NCLN: variants seen among roughly 807,000 people sequenced by gnomAD.
NCLN encodes BOS complex subunit NCLN.
A neutral mutation model predicts 69.5 loss-of-function variants in NCLN; 34 were observed. The ratio of observed to expected loss-of-function variants is 0.49; its 90% CI spans 0.37 to 0.65. NCLN has a LOEUF of 0.65. NCLN is among the 30% of genes least tolerant of loss of function. The pLI, the probability that NCLN is intolerant of heterozygous loss-of-function variation, is 0.00. For missense variants in NCLN, 710 were observed against 804.8 expected (o/e 0.88, Z 1.42); for synonymous variants, 393 against 358.3 (o/e 1.10, Z -1.09).
In NCLN at chr19:3,204,036, C is replaced by T. The variant is rs754645063; in HGVS notation, c.921C>T (p.Phe307=). The T allele has an allele frequency of 2.0e-5, 31 of 1,574,164 alleles. No individual in the cohort carries two copies. The South Asian group carries it at 3.1e-4, about 16-fold the overall frequency. ...DSSLLQDNVA[F]VLCLDTVGRG... ...GCCTGCTTCAGGACAATGTGGCCTTCGTGCTGTGCCTGGACACCGTGGGCC... is the reference window on the plus strand; with the variant it reads ...GCCTGCTTCAGGACAATGTGGCCTTTGTGCTGTGCCTGGACACCGTGGGCC... The change falls in exon 8 of 15, where the codon TTC becomes TTT. Residue 307 remains phenylalanine (F), a synonymous_variant. Coordinates refer to ENST00000246117, the MANE Select transcript of NCLN (RefSeq NM_020170.4).
chr19:3,196,036 C>T, intron 3 of NCLN, 147 bp from the exon 4 acceptor site: 1 of 516,002 alleles, frequency 1.9e-6, no homozygotes, highest in South Asian at 2.8e-5. Flanking sequence ...CACGGGCATC[C>T]TGTGGTATCG....
chr19:3,209,020 C>T lies in NCLN; in HGVS notation c.*1332C>T, dbSNP rs985060702. ...TGGTGGGGAAGGGACTTGAGCTGGG[C>T]AAGTCCTGGCCTGGCACCCGCAGCC... On this transcript the variant is annotated 3_prime_UTR_variant, in exon 15 of 15. Coordinates refer to ENST00000246117, the MANE Select transcript of NCLN (RefSeq NM_020170.4). The T allele has an allele frequency of 6.6e-6, 1 of 152,280 alleles. No homozygotes were observed. Among genetic ancestry groups the T allele is most frequent in the Non-Finnish European group, 1.5e-5 (1 of 68,164 alleles). 9.4% of individuals were successfully genotyped at this position (152,280 alleles called of 1,614,324 possible).
At chr19:3,189,482 C>T (rs368742666) in intron 1 of NCLN, among the ~76,000 whole-genome samples, 14 of 152,370 alleles carry the variant, frequency 9.2e-5, no homozygotes, top group Admixed American at 4.6e-4. Context: ...AGTGATTGTG[C>T]CAGAGCCCTA....
chr19:3,200,888 T>G (rs1300871814), intron 5 of NCLN, among the ~76,000 whole-genome samples: 1 of 152,202 alleles, frequency 6.6e-6, no homozygotes, highest in Non-Finnish European at 1.5e-5. Context: ...TGGATCTGGC[T>G]TCTCTCACTG....
intron 8 of NCLN, 55 bp downstream of exon 8, chr19:3,204,199 G>A: frequency 6.8e-7 from 1 of 1,472,034 alleles, no homozygotes; most frequent in Non-Finnish European, 8.9e-7. Context: ...ACACATCGGG[G>A]CCGGGTTGGG....
In NCLN at chr19:3,204,152, C is replaced by T. The variant is rs181824945; in HGVS notation, c.1029+8C>T. ...CTGCGGGAGCTGGAGACGGTGGGTG[C>T]CCCTTTCATGGATGGGTCCGGAGCT... On this transcript the variant is annotated splice_region_variant and intron_variant, in intron 8 of 14. Coordinates refer to ENST00000246117, the MANE Select transcript of NCLN (RefSeq NM_020170.4). 5.3e-4 allele frequency: 792 copies of T among 1,506,536 alleles called. 13 individuals carry two copies. In the East Asian group the frequency reaches 0.017, roughly 33 times the overall value. 93.3% of individuals were successfully genotyped at this position (1,506,536 alleles called of 1,614,324 possible).
intron 5 of NCLN, 142 bp downstream of exon 5, chr19:3,199,039 C>A: frequency 3.8e-6 from 2 of 532,914 alleles, no homozygotes; most frequent in South Asian, 8.2e-5. Context: ...TCATCCTGGT[C>A]CCCGCGAGGG....
chr19:3,205,090 G>A lies in NCLN; in HGVS notation c.1208+339G>A, dbSNP rs191403559. On this transcript the variant is annotated intron_variant, in intron 9 of 14. Coordinates refer to ENST00000246117, the MANE Select transcript of NCLN (RefSeq NM_020170.4). The surrounding 1 kb of genome is among the most constrained non-coding windows in gnomAD (Gnocchi z 4.6). The stretch of plus-strand genomic sequence containing the variant: ...AAAGTCCTGCCTGGCCCCGGCCACC[G>A]TCTTGGGGAGCCTGGCCCGCCACCA... Among the ~76,000 whole-genome samples the A allele has an allele frequency of 4.0e-4, 61 of 152,242 alleles. No homozygotes were observed. The highest frequency in any genetic ancestry group is 7.9e-4 in the Non-Finnish European group (54 of 67,984).
chr19:3,201,452 T>A, intron 5 of NCLN, 71 bp from the exon 6 acceptor site: 2 of 1,095,704 alleles, frequency 1.8e-6, no homozygotes, highest in Non-Finnish European at 2.6e-6. Context: ...CTGTGGCTGC[T>A]GTGGGCGGAG....
intron 1 of NCLN, among the ~76,000 whole-genome samples, chr19:3,187,991 G>C (rs1915713777): frequency 1.3e-5 from 2 of 152,174 alleles, no homozygotes; most frequent in African/African-American, 4.8e-5. Flanking sequence ...AGCGTGGCCT[G>C]TGCAACCGGG....
At chr19:3,198,525 A>C (rs1599354629) in intron 4 of NCLN, among the ~76,000 whole-genome samples, 1 of 141,634 alleles carries the variant, frequency 7.1e-6, no homozygotes. Flanking sequence ...AAAAAAAAAC[A>C]CAAACAAAAA....
chr19:3,201,466 A>G lies in NCLN; in HGVS notation c.697-57A>G, dbSNP rs554722053. On this transcript the variant is annotated intron_variant, in intron 5 of 14. Transcript: ENST00000246117. Reference sequence around the variant, plus strand: ...ACTGTGGCTGCTGTGGGCGGAGGTCATGGGGTGCGGGAGCCGGGCGGGGGT... The same window carrying G: ...ACTGTGGCTGCTGTGGGCGGAGGTCGTGGGGTGCGGGAGCCGGGCGGGGGT... 101 of 1,301,322 alleles carry G rather than the reference A, an allele frequency of 7.8e-5. No homozygotes were observed. In the South Asian group the frequency reaches 9.5e-4, roughly 12 times the overall value. The allele number at this position is 1,301,322 out of a possible 1,614,324, so 80.6% of individuals were successfully genotyped here.
Position 3,201,646 on chromosome 19 carries a change from G to T in NCLN, c.800+20G>T. ...CGCCGCGTGAGTGCCGGGGTGGGCA[G>T]GGGGATGGGGGTGCGGGGGCCACAC... On this transcript the variant is annotated intron_variant, in intron 6 of 14. Transcript: ENST00000246117. The T allele has an allele frequency of 6.7e-7, 1 of 1,502,058 alleles. No individual in the cohort carries two copies. The highest frequency in any genetic ancestry group is 8.9e-7 in the Non-Finnish European group (1 of 1,118,614). 93.0% of individuals were successfully genotyped at this position (1,502,058 alleles called of 1,614,324 possible). A position where few individuals can be genotyped will look rare whatever the true frequency, so the allele number is the denominator to read the frequency against.
In NCLN at chr19:3,186,126, G is replaced by C; in HGVS notation, c.96G>C (p.Leu32=). The change falls in exon 1 of 15, where the codon CTG becomes CTC. Residue 32 remains leucine, a synonymous_variant. Transcript: ENST00000246117. ...TCTTCCTGCCCGCTGTGCTGCTGCT[G>C]GTGGCGCCGCCGCTGCCTGCCGCCG... ...FIVFLPAVLL[L]VAPPLPAADA... 1 of 1,597,762 alleles carries C rather than the reference G, an allele frequency of 6.3e-7. No individual in the cohort carries two copies. The highest frequency in any genetic ancestry group is 8.5e-7 in the Non-Finnish European group (1 of 1,174,376).
intron 1 of NCLN, 106 bp downstream of exon 1, chr19:3,186,320 C>A: frequency 7.9e-7 from 1 of 1,260,250 alleles, no homozygotes; most frequent in Non-Finnish European, 1.0e-6. Flanking sequence ...GGCTGCCCGA[C>A]CCATGCTCAG....
intron 7 of NCLN, 38 bp downstream of exon 7, chr19:3,203,882 G>A (rs779804733): frequency 6.2e-7 from 1 of 1,602,276 alleles, no homozygotes; most frequent in Non-Finnish European, 8.5e-7. Context: ...TGCCGCGGTG[G>A]TGGTGCCGTG....
rs761775595 is a variant in NCLN, at chr19:3,203,851, G to A, written c.889+7G>A. 8.1e-6 allele frequency: 13 copies of A among 1,611,238 alleles called. No individual in the cohort carries two copies. The highest frequency in any genetic ancestry group is 1.1e-5 in the South Asian group (1 of 90,784). On this transcript the variant is annotated splice_region_variant and intron_variant, in intron 7 of 14. Transcript: ENST00000246117. ...GACAACCTGGACCACACAGGTGAGC[G>A]GCCCCGGGTGGGGGTGGGGGTGCCG...
chr19:3,206,314 C>G lies in NCLN; in HGVS notation c.1388C>G (p.Pro463Arg), dbSNP rs868814773. The G allele has an allele frequency of 6.5e-7, 1 of 1,548,232 alleles. No homozygotes were observed. The highest frequency in any genetic ancestry group is 8.7e-7 in the Non-Finnish European group (1 of 1,146,908). Residue 463 changes from proline to arginine, a missense_variant, in exon 12 of 15, where the codon CCG becomes CGG. By Grantham distance (103) the Pro-to-Arg change is moderately radical. Transcript: ENST00000246117. ...DSVMDWLTNQ[P>R]RAAQLVDKDS... ...GTGATGGACTGGCTCACCAACCAGC[C>G]GCGGGCCGCGCAGCTGGTGGACAAG... is the stretch of plus-strand genomic sequence containing the variant.
At position 3,204,698 on chromosome 19, in the gene NCLN, G is replaced by T; in HGVS notation, c.1155G>T (p.Leu385=). ...TCCGCCGACTGCCCGCCTTCACGCT[G>T]TCCCACCTGGAGAGCCACCGTGACG... The part of the protein sequence containing the change: ...FAIRRLPAFT[L]SHLESHRDGQ... Residue 385 remains leucine, a synonymous_variant, in exon 9 of 15, where the codon CTG becomes CTT. Coordinates refer to ENST00000246117, the MANE Select transcript of NCLN (RefSeq NM_020170.4). The T allele has an allele frequency of 1.2e-6, 2 of 1,602,882 alleles. No homozygotes were observed. Among genetic ancestry groups the T allele is most frequent in the Non-Finnish European group, 1.7e-6 (2 of 1,175,080 alleles).
Sources: allele counts gnomAD v4.1 joint callset (sites outside exome capture counted in the v4.1 genomes callset), GRCh38; gene constraint gnomAD v4.1.1; non-coding constraint Gnocchi (gnomAD v3.1); transcripts MANE v1.5; gene names NCBI Gene and HGNC (gene_info 2026-07-23, HGNC 2026-07-21).